Variants in PPP4R4 observed in about 807,000 individuals in gnomAD.
The protein encoded by PPP4R4 is protein phosphatase 4 regulatory subunit 4.
PPP4R4 carries 70 observed loss-of-function variants against 121.8 expected under a neutral mutation model. The ratio of observed to expected loss-of-function variants is 0.57; its 90% confidence interval spans 0.47 to 0.70. The LOEUF is 0.70. Among genes scored for constraint, PPP4R4 ranks in the 30% least tolerant of loss-of-function variants. The probability of loss-of-function intolerance (pLI) is 0.00; values close to 1 mark genes in which losing one functional copy is unlikely to be tolerated. For synonymous variants in PPP4R4, 348 were observed against 355.7 expected, an observed-to-expected ratio of 0.98 and a Z score of 0.24; for missense variants, 875 against 1,033.6, an observed-to-expected ratio of 0.85 and a Z score of 2.10.
Position 94,226,098 on chromosome 14 carries a change from C to A in PPP4R4, c.295-4489C>A, listed in dbSNP as rs146967087. On this transcript the variant is annotated intron_variant, in intron 3 of 24. Transcript: ENST00000304338. Reference sequence around the variant, plus strand: ...ATTGCTGCTTATTTACATTTTAAGCCTAAATTATGAAATTCCTGTGATTCT... The same window carrying A: ...ATTGCTGCTTATTTACATTTTAAGCATAAATTATGAAATTCCTGTGATTCT... Among the ~76,000 whole-genome samples, 455 of 152,232 alleles carry A rather than the reference C, an allele frequency of 3.0e-3. 3 individuals carry two copies. Among genetic ancestry groups the A allele is most frequent in the African/African-American group, 0.011 (444 of 41,552 alleles).
intron 2 of PPP4R4, among the ~76,000 whole-genome samples, chr14:94,201,356 ATAGT>A (rs1368230247): frequency 6.6e-6 from 1 of 152,124 alleles, no homozygotes; most frequent in Non-Finnish European, 1.5e-5. Context: ...GTTCTAGGGT[ATAGT>A]TTAAGTCCAT....
chr14:94,223,211 C>T (rs983854617), intron 3 of PPP4R4, among the ~76,000 whole-genome samples: 3 of 152,056 alleles, frequency 2.0e-5, no homozygotes, highest in African/African-American at 7.3e-5. Flanking sequence ...ATTGTTTCTG[C>T]TTATTATCTT....
intron 3 of PPP4R4, among the ~76,000 whole-genome samples, chr14:94,219,680 T>C (rs895488230): frequency 3.9e-5 from 6 of 152,204 alleles, no homozygotes; most frequent in Non-Finnish European, 5.9e-5. Flanking sequence ...TTCAAGATTG[T>C]TTCAAAATTT....
rs1253413777 is a variant in PPP4R4, at chr14:94,265,451, C to G, written c.2262C>G (p.Pro754=). ...PKNIPISVPG[P]SSVTPSTSKE... ...ACATCCCCATTTCTGTTCCTGGACC[C>G]TCTTCTGTCACCCCATCGACAAGTA... is the stretch of plus-strand genomic sequence containing the variant. The change falls in exon 21 of 25, where the codon CCC becomes CCG. Residue 754 remains proline, a synonymous_variant. Transcript: ENST00000304338. 1.2e-6 allele frequency: 2 copies of G among 1,612,024 alleles called. No individual in the cohort carries two copies. The highest frequency in any genetic ancestry group is 1.7e-6 in the Non-Finnish European group (2 of 1,178,074).
intron 14 of PPP4R4, among the ~76,000 whole-genome samples, chr14:94,247,507 A>G (rs1233452010): frequency 6.6e-6 from 1 of 152,204 alleles, no homozygotes; most frequent in South Asian, 2.1e-4. Context: ...GCTGGAATCA[A>G]TCCTACTGAA....
intron 16 of PPP4R4, among the ~76,000 whole-genome samples, chr14:94,255,525 T>C (rs1486000193): frequency 1.3e-5 from 2 of 151,290 alleles, no homozygotes; most frequent in African/African-American, 4.9e-5. Context: ...GGCATGAACC[T>C]GGGAGGCGGA....
chr14:94,229,676 A>G (rs1229681657), intron 3 of PPP4R4, among the ~76,000 whole-genome samples: 1 of 142,442 alleles, frequency 7.0e-6, no homozygotes, highest in African/African-American at 2.8e-5. Flanking sequence ...AGAAGGATTA[A>G]TATTCCTAAG....
At chr14:94,273,565 G>A (rs536680812) in intron 23 of PPP4R4, among the ~76,000 whole-genome samples, 4 of 152,206 alleles carry the variant, frequency 2.6e-5, no homozygotes, top group Admixed American at 2.0e-4. Flanking sequence ...GTCCAAATCC[G>A]TAGCATGTAC....
chr14:94,204,713 C>A (rs1320783995), intron 2 of PPP4R4, among the ~76,000 whole-genome samples: 1 of 152,054 alleles, frequency 6.6e-6, no homozygotes, highest in Non-Finnish European at 1.5e-5. Context: ...CCAGTGTGTG[C>A]CTCTCTGATT....
rs56236919 is a variant in PPP4R4 at position 94,179,874 on chromosome 14, C to T, written c.191+3747C>T. ...CTTGTTGTTGTTCTTTCTTGTTCTT[C>T]GCTGTGATATAAATATATGCCTCTT... On this transcript the variant is annotated intron_variant, in intron 2 of 24. Transcript: ENST00000304338. Among the ~76,000 whole-genome samples the T allele has an allele frequency of 3.6e-3, 551 of 152,216 alleles. 2 individuals are homozygous for T. Among genetic ancestry groups the T allele is most frequent in the South Asian group, 0.015 (71 of 4,818 alleles).
At chr14:94,226,872 T>G (rs1217490574) in intron 3 of PPP4R4, among the ~76,000 whole-genome samples, 1 of 152,348 alleles carries the variant, frequency 6.6e-6, no homozygotes, top group East Asian at 1.9e-4. Flanking sequence ...TCAGAATTTG[T>G]GAAACTTAAA....
At chr14:94,225,814 G>A (rs968678252) in intron 3 of PPP4R4, among the ~76,000 whole-genome samples, 2 of 152,148 alleles carry the variant, frequency 1.3e-5, no homozygotes, top group Admixed American at 1.3e-4. Flanking sequence ...ACTTTTGAGA[G>A]AGATTAGGAT....
rs17129527 is a variant in PPP4R4, at chr14:94,264,613, G to A, written c.2128-265G>A. ...TTGCTAATGTGATTTAGGAAATACC[G>A]TCTAGAAAATGAAGGGTAATTATTA... is the stretch of plus-strand genomic sequence containing the variant. On this transcript the variant is annotated intron_variant, in intron 19 of 24. Transcript: ENST00000304338. Among the ~76,000 whole-genome samples the A allele has an allele frequency of 8.4e-3, 1,274 of 152,192 alleles. 15 individuals carry two copies. The highest frequency in any genetic ancestry group is 0.029 in the African/African-American group (1,208 of 41,524).
intron 24 of PPP4R4, among the ~76,000 whole-genome samples, chr14:94,277,440 A>T (rs1043474969): frequency 6.6e-6 from 1 of 152,206 alleles, no homozygotes; most frequent in East Asian, 1.9e-4. Flanking sequence ...TGTCTGTCAC[A>T]TGACAGGGCT....
intron 22 of PPP4R4, among the ~76,000 whole-genome samples, chr14:94,266,320 G>A (rs1179717256): frequency 3.3e-5 from 5 of 152,060 alleles, no homozygotes; most frequent in South Asian, 2.1e-4. Flanking sequence ...CAGAGTTAGC[G>A]TGACAATAGA....
chr14:94,251,976 T>G, intron 16 of PPP4R4, 80 bp downstream of exon 16: 1 of 1,277,112 alleles, frequency 7.8e-7, no homozygotes, highest in Non-Finnish European at 1.1e-6. Context: ...AATCTTTTCC[T>G]TAGCCAATTA....
intron 23 of PPP4R4, among the ~76,000 whole-genome samples, chr14:94,272,213 A>T (rs1894374273): frequency 6.6e-6 from 1 of 152,198 alleles, no homozygotes. Context: ...CATGATAATG[A>T]AGAAGAACAA....
intron 8 of PPP4R4, among the ~76,000 whole-genome samples, chr14:94,239,952 C>T (rs553544414): frequency 1.8e-4 from 28 of 151,910 alleles, no homozygotes; most frequent in African/African-American, 5.6e-4. Flanking sequence ...GATATGGCAC[C>T]GAAATGTAAT....
At chr14:94,244,526 C>A in intron 11 of PPP4R4, 109 bp from the exon 12 acceptor site, 1 of 911,976 alleles carries the variant, frequency 1.1e-6, no homozygotes, top group Non-Finnish European at 1.5e-6. Flanking sequence ...TATAACATGG[C>A]TTTATTTTAG....
Sources: gnomAD v4.1 joint callset for allele counts (sites outside exome capture counted in the v4.1 genomes callset) on GRCh38, gnomAD v4.1.1 for gene constraint, MANE v1.5 for transcripts, NCBI Gene and HGNC (gene_info 2026-07-23, HGNC 2026-07-21) for gene names.